The following GPC5 variants were observed in gnomAD, a reference collection of about 807,000 sequenced individuals.
GPC5 encodes glypican 5.
Under a neutral mutation model 53.9 loss-of-function variants are expected in GPC5, and 47 were observed. The ratio of observed to expected loss-of-function variants is 0.87; its 90% CI spans 0.69 to 1.11. The LOEUF (loss-of-function observed/expected upper bound fraction) is 1.11. Among genes scored for constraint, GPC5 ranks in the 50% most tolerant of loss-of-function variants. GPC5 has a pLI of 0.00. For missense variants in GPC5, 748 were observed against 713.1 expected, an observed-to-expected ratio of 1.05 and a Z score of -0.56; for synonymous variants, 286 against 263.3, an observed-to-expected ratio of 1.09 and a Z score of -0.84.
chr13:92,547,108 C>T (rs1198888106), intron 7 of GPC5, among the ~76,000 whole-genome samples: 1 of 152,034 alleles, frequency 6.6e-6, no homozygotes, highest in East Asian at 1.9e-4. Flanking sequence ...CATTATGATT[C>T]TAGGTGCATT....
At chr13:91,640,798 GA>G (rs528053266) in intron 2 of GPC5, among the ~76,000 whole-genome samples, 1,913 of 132,186 alleles carry the variant, frequency 0.014, 37 homozygotes, top group African/African-American at 0.045. Flanking sequence ...GACTCCTCAG[GA>G]AAAAAAAAAA....
At chr13:92,537,982 C>T (rs957338014) in intron 7 of GPC5, among the ~76,000 whole-genome samples, 7 of 151,960 alleles carry the variant, frequency 4.6e-5, no homozygotes, top group African/African-American at 1.7e-4. Flanking sequence ...CTGGTCTGAA[C>T]ATTTAATTTT....
chr13:92,740,368 A>G (rs1367273107), intron 7 of GPC5, among the ~76,000 whole-genome samples: 2 of 151,998 alleles, frequency 1.3e-5, no homozygotes, highest in Admixed American at 6.6e-5. Context: ...ATAGCTGTTC[A>G]TTTGCTTTTG....
chr13:92,033,072 T>TGTGTGC (rs1470967154), intron 6 of GPC5, among the ~76,000 whole-genome samples: 1 of 151,444 alleles, frequency 6.6e-6, no homozygotes, highest in Admixed American at 6.6e-5. Context: ...TGTGTGTGTG[T>TGTGTGC]GTGCTTCTCA....
intron 3 of GPC5, among the ~76,000 whole-genome samples, chr13:91,696,526 T>C (rs2035882568): frequency 6.6e-6 from 1 of 152,194 alleles, no homozygotes; most frequent in African/African-American, 2.4e-5. Context: ...CGCACATCGA[T>C]GAATTTAACA....
chr13:91,683,455 T>C (rs2035553250), intron 2 of GPC5, among the ~76,000 whole-genome samples: 1 of 152,192 alleles, frequency 6.6e-6, no homozygotes. Context: ...GATCATCCTC[T>C]TTTGTTGGGG....
chr13:92,634,391 C>G (rs920234737), intron 7 of GPC5, among the ~76,000 whole-genome samples: 1 of 151,870 alleles, frequency 6.6e-6, no homozygotes, highest in Non-Finnish European at 1.5e-5. Context: ...AAAGGTGAGG[C>G]CTTTTGTATC....
intron 7 of GPC5, among the ~76,000 whole-genome samples, chr13:92,813,996 G>A (rs990951567): frequency 6.6e-6 from 1 of 151,950 alleles, no homozygotes; most frequent in Non-Finnish European, 1.5e-5. Flanking sequence ...GAAAGAGACA[G>A]CCATTAAGAT....
chr13:92,416,903 A>G (rs1176300324), intron 7 of GPC5, among the ~76,000 whole-genome samples: 1 of 152,198 alleles, frequency 6.6e-6, no homozygotes, highest in East Asian at 1.9e-4. Flanking sequence ...ATACAAATGT[A>G]TTTACATACA....
chr13:92,184,799 T>C (rs182446256), intron 7 of GPC5, among the ~76,000 whole-genome samples: 75 of 152,276 alleles, frequency 4.9e-4, no homozygotes, highest in African/African-American at 1.7e-3. Flanking sequence ...AAACTCTATA[T>C]CTTTATTCTT....
intron 7 of GPC5, among the ~76,000 whole-genome samples, chr13:92,372,426 A>G (rs970259377): frequency 3.9e-5 from 6 of 152,190 alleles, no homozygotes; most frequent in African/African-American, 1.4e-4. Flanking sequence ...TCTTCCAAAA[A>G]CATTACTAAT....
At chr13:91,630,633 C>G (rs1471249769) in intron 2 of GPC5, among the ~76,000 whole-genome samples, 1 of 152,090 alleles carries the variant, frequency 6.6e-6, no homozygotes, top group Non-Finnish European at 1.5e-5. Context: ...CAGATCTCCC[C>G]AAAGAGGGCC....
chr13:91,415,010 T>C (rs1284864872), intron 1 of GPC5, among the ~76,000 whole-genome samples: 1 of 152,230 alleles, frequency 6.6e-6, no homozygotes. Context: ...ATATAATCCT[T>C]GCCTTCTTTT....
chr13:92,185,642 T>A (rs1219403431), intron 7 of GPC5, among the ~76,000 whole-genome samples: 1 of 152,142 alleles, frequency 6.6e-6, no homozygotes, highest in Non-Finnish European at 1.5e-5. Context: ...GTTTTAATAA[T>A]ATAAATTTAA....
chr13:92,278,226 A>G (rs772224341), intron 7 of GPC5, among the ~76,000 whole-genome samples: 3 of 151,896 alleles, frequency 2.0e-5, no homozygotes, highest in Non-Finnish European at 4.4e-5. Context: ...TTTTTATTAA[A>G]CCTTTTTAGA....
At chr13:91,619,665 A>G (rs925365273) in intron 2 of GPC5, among the ~76,000 whole-genome samples, 5 of 152,122 alleles carry the variant, frequency 3.3e-5, no homozygotes, top group Non-Finnish European at 7.4e-5. Flanking sequence ...AAACTGCACA[A>G]TGGAGACAAT....
intron 7 of GPC5, among the ~76,000 whole-genome samples, chr13:92,703,897 A>C (rs868576391): frequency 1.3e-5 from 2 of 152,046 alleles, no homozygotes; most frequent in African/African-American, 4.8e-5. Context: ...AATATTTAAT[A>C]GATTTTTCAG....
chr13:92,477,285 T>A (rs1045525944), intron 7 of GPC5, among the ~76,000 whole-genome samples: 20 of 152,128 alleles, frequency 1.3e-4, no homozygotes, highest in African/African-American at 4.8e-4. Context: ...TAATCCCACA[T>A]AACCTTATTC....
intron 4 of GPC5, among the ~76,000 whole-genome samples, chr13:91,745,080 A>C (rs1476479826): frequency 6.6e-6 from 1 of 152,058 alleles, no homozygotes; most frequent in Non-Finnish European, 1.5e-5. Context: ...TATTTTCATT[A>C]ATGGGTTGAA....
Sources: gnomAD v4.1 joint callset for allele counts (sites outside exome capture counted in the v4.1 genomes callset) on GRCh38, gnomAD v4.1.1 for gene constraint, MANE v1.5 for transcripts, NCBI Gene and HGNC (gene_info 2026-07-23, HGNC 2026-07-21) for gene names.